ZC3H14: variants seen among roughly 807,000 people sequenced by gnomAD.
ZC3H14 encodes the protein zinc finger CCCH-type containing 14, also known as zinc finger CCCH domain-containing protein 14.
In ZC3H14, 31 loss-of-function variants were observed where a neutral mutation model predicts 92.4. The observed-to-expected ratio is 0.34, with a 90% CI of 0.25 to 0.45. ZC3H14 has a LOEUF of 0.45. Ranked by LOEUF, ZC3H14 falls within the 20% of genes least tolerant of loss-of-function variation. ZC3H14 has a pLI of 1.00. For missense variants in ZC3H14, 781 were observed against 897.3 expected (o/e 0.87, Z 1.66); for synonymous variants, 321 against 300.9 (o/e 1.07, Z -0.69).
chr14:88,618,406 C>T lies in ZC3H14; in HGVS notation c.*6655C>T. On this transcript the variant is annotated 3_prime_UTR_variant, in exon 17 of 17. Coordinates refer to ENST00000251038, the MANE Select transcript of ZC3H14 (RefSeq NM_024824.5). Reference sequence around the variant, plus strand: ...AAATCCACAGGGGGTTTACAGAATACTAGCATATTGCTACTTGATTTACAT... The same window carrying T: ...AAATCCACAGGGGGTTTACAGAATATTAGCATATTGCTACTTGATTTACAT... The T allele has an allele frequency of 7.7e-7, 1 of 1,297,652 alleles. No individual in the cohort carries two copies. The highest frequency in any genetic ancestry group is 1.5e-5 in the African/African-American group (1 of 68,880). The allele number at this position is 1,297,652 out of a possible 1,614,324, so 80.4% of individuals were successfully genotyped here.
chr14:88,622,576 C>T lies in ZC3H14; in HGVS notation c.*10825C>T. The T allele has an allele frequency of 1.3e-6, 2 of 1,526,620 alleles. No individual in the cohort carries two copies. Among genetic ancestry groups the T allele is most frequent in the South Asian group, 2.6e-5 (2 of 77,686 alleles). 94.6% of individuals were successfully genotyped at this position (1,526,620 alleles called of 1,614,324 possible). ...AATAACCACTTTCTGTTTTCTGCTGCACTGTATCAGCTCATGGAACATCTT... is the reference window on the plus strand; with the variant it reads ...AATAACCACTTTCTGTTTTCTGCTGTACTGTATCAGCTCATGGAACATCTT... On this transcript the variant is annotated 3_prime_UTR_variant, in exon 17 of 17. Coordinates refer to ENST00000251038, the MANE Select transcript of ZC3H14 (RefSeq NM_024824.5).
Position 88,597,938 on chromosome 14 carries a change from A to AT in ZC3H14, c.1354+1136dup, listed in dbSNP as rs751219959. ...GACTGCAGTCCTTAGCTCCTATCAC[A>AT]TTTTTTATTCTAAGATCCCTTTGTT... On this transcript the variant is annotated intron_variant, in intron 10 of 16. Coordinates refer to ENST00000251038, the MANE Select transcript of ZC3H14 (RefSeq NM_024824.5). 9.3e-4 allele frequency among the ~76,000 whole-genome samples: 142 copies of AT among 152,162 alleles called. No homozygotes were observed. The Middle Eastern group carries it at 0.017, about 18-fold the overall frequency.
Position 88,620,651 on chromosome 14 carries a change from C to A in ZC3H14, c.*8900C>A. On this transcript the variant is annotated 3_prime_UTR_variant, in exon 17 of 17. Coordinates refer to ENST00000251038, the MANE Select transcript of ZC3H14 (RefSeq NM_024824.5). The surrounding 1 kb of genome is among the most constrained non-coding windows in gnomAD (Gnocchi z 4.3). ...ACAATTTATAATACGGGAAATGCTA[C>A]AGGCCCTGGGGACCTCTTTTTGAAG... is the stretch of plus-strand genomic sequence containing the variant. 1.1e-6 allele frequency: 1 copy of A among 894,512 alleles called. No homozygotes were observed. The allele number at this position is 894,512 out of a possible 1,614,324, so 55.4% of individuals were successfully genotyped here. A position where few individuals can be genotyped will look rare whatever the true frequency, so the allele number is the denominator to read the frequency against.
intron 11 of ZC3H14, 122 bp from the exon 12 acceptor site, chr14:88,602,705 TC>T: frequency 2.0e-6 from 2 of 1,017,528 alleles, no homozygotes; most frequent in Non-Finnish European, 3.0e-6. Context: ...CCCTACCTAG[TC>T]TTTTTTTATT....
rs1290019515 is a variant in ZC3H14, at chr14:88,610,814, GCT to G, written c.2098-17_2098-16del. ...TATTAGCCTTGTGGATATTGTTGAA[GCT>G]CTGTTATCTCTATTCAGCATTGTAG... On this transcript the variant is annotated intron_variant, in intron 15 of 16. Coordinates refer to ENST00000251038, the MANE Select transcript of ZC3H14 (RefSeq NM_024824.5). 1.2e-6 allele frequency: 2 copies of G among 1,601,676 alleles called. No homozygotes were observed. The highest frequency in any genetic ancestry group is 1.3e-5 in the African/African-American group (1 of 74,664).
rs1480471958 is a variant in ZC3H14 at position 88,614,796 on chromosome 14, A to G, written c.*3045A>G. 1 of 152,200 alleles carries G rather than the reference A, an allele frequency of 6.6e-6. No homozygotes were observed. The highest frequency in any genetic ancestry group is 2.4e-5 in the African/African-American group (1 of 41,458). 9.4% of individuals were successfully genotyped at this position (152,200 alleles called of 1,614,324 possible). A position where few individuals can be genotyped will look rare whatever the true frequency, so the allele number is the denominator to read the frequency against. ...GAATTCTAACTGACAAGTTTTTACA[A>G]ATGGAGTTGGGCTCATTCATTTTGG... On this transcript the variant is annotated 3_prime_UTR_variant, in exon 17 of 17. Transcript: ENST00000251038.
intron 9 of ZC3H14, among the ~76,000 whole-genome samples, chr14:88,585,866 T>A (rs1461420209): frequency 6.6e-6 from 1 of 152,236 alleles, no homozygotes; most frequent in Admixed American, 6.5e-5. Context: ...CAATTTGATC[T>A]TTTTTAAAAT....
chr14:88,583,246 C>T (rs1164326659), intron 9 of ZC3H14, among the ~76,000 whole-genome samples: 1 of 151,702 alleles, frequency 6.6e-6, no homozygotes. Context: ...ATCCTCCCAC[C>T]TCAGGGACCA....
rs935224622 is a variant in ZC3H14 at position 88,622,994 on chromosome 14, A to G, written c.*11243A>G. On this transcript the variant is annotated 3_prime_UTR_variant, in exon 17 of 17. Coordinates refer to ENST00000251038, the MANE Select transcript of ZC3H14 (RefSeq NM_024824.5). Reference sequence around the variant, plus strand: ...TATTTAGCCTCTACAATACATTACAATACATTATCCTCTCTCATAATACTT... The same window carrying G: ...TATTTAGCCTCTACAATACATTACAGTACATTATCCTCTCTCATAATACTT... 1.3e-4 allele frequency: 36 copies of G among 272,984 alleles called. No homozygotes were observed. The highest frequency in any genetic ancestry group is 2.1e-4 in the Non-Finnish European group (31 of 148,122). 16.9% of individuals were successfully genotyped at this position (272,984 alleles called of 1,614,324 possible).
At chr14:88,584,981 A>G (rs2082309682) in intron 9 of ZC3H14, among the ~76,000 whole-genome samples, 3 of 152,338 alleles carry the variant, frequency 2.0e-5, no homozygotes, top group Admixed American at 2.0e-4. Flanking sequence ...AAATGTATGA[A>G]GCTGCCACTG....
rs1166575235 is a variant in ZC3H14 at position 88,618,848 on chromosome 14, C to T, written c.*7097C>T. The T allele has an allele frequency of 1.2e-5, 18 of 1,528,358 alleles. No individual in the cohort carries two copies. The highest frequency in any genetic ancestry group is 1.4e-5 in the African/African-American group (1 of 71,944). 94.7% of individuals were successfully genotyped at this position (1,528,358 alleles called of 1,614,324 possible). A position where few individuals can be genotyped will look rare whatever the true frequency, so the allele number is the denominator to read the frequency against. ...ACAAAACGTAAAAAGTATTAGACCACATGAAGTATTATAAATACTTAAGAT... is the reference window on the plus strand; with the variant it reads ...ACAAAACGTAAAAAGTATTAGACCATATGAAGTATTATAAATACTTAAGAT... On this transcript the variant is annotated 3_prime_UTR_variant, in exon 17 of 17. Coordinates refer to ENST00000251038, the MANE Select transcript of ZC3H14 (RefSeq NM_024824.5).
At chr14:88,567,909 T>C (rs989366588) in intron 2 of ZC3H14, 130 bp from the exon 3 acceptor site, 2 of 754,900 alleles carry the variant, frequency 2.6e-6, no homozygotes, top group Non-Finnish European at 4.7e-6. Flanking sequence ...TAAGCCATCT[T>C]GTCCAATGTA....
chr14:88,597,725 C>T (rs372278583), intron 10 of ZC3H14, among the ~76,000 whole-genome samples: 2 of 152,214 alleles, frequency 1.3e-5, no homozygotes, highest in African/African-American at 2.4e-5. Flanking sequence ...ATTTTGCTCT[C>T]TCATCTCCCA....
At chr14:88,593,965 A>T (rs1462115795) in intron 9 of ZC3H14, among the ~76,000 whole-genome samples, 1 of 152,172 alleles carries the variant, frequency 6.6e-6, no homozygotes, top group African/African-American at 2.4e-5. Flanking sequence ...TCTAGTATTA[A>T]GCCAAGGCTG....
At chr14:88,579,544 G>A (rs773246385) in intron 9 of ZC3H14, among the ~76,000 whole-genome samples, 3 of 152,158 alleles carry the variant, frequency 2.0e-5, no homozygotes, top group Admixed American at 6.5e-5. Flanking sequence ...GAGTCTTGGA[G>A]TGGAATCAGA....
At chr14:88,563,446 G>C in intron 1 of ZC3H14, 1 of 1,438,110 alleles carries the variant, frequency 7.0e-7, no homozygotes, top group Non-Finnish European at 9.0e-7. Context: ...CTTTGGATCC[G>C]CTGCGGGAGG....
In ZC3H14 at chr14:88,613,452, CAA is replaced by C. The variant is rs1357228820; in HGVS notation, c.*1702_*1703del. On this transcript the variant is annotated 3_prime_UTR_variant, in exon 17 of 17. Transcript: ENST00000251038. ...TATAAATTATAGAACAAATGGGAAACAAGGGTTTAATTTAGTTCAGCCATTTT... is the reference window on the plus strand; with the variant it reads ...TATAAATTATAGAACAAATGGGAAACGGGTTTAATTTAGTTCAGCCATTTT... 1 of 151,968 alleles carries C rather than the reference CAA, an allele frequency of 6.6e-6. No individual in the cohort carries two copies. The highest frequency in any genetic ancestry group is 2.4e-5 in the African/African-American group (1 of 41,374). The allele number at this position is 151,968 out of a possible 1,614,324, so 9.4% of individuals were successfully genotyped here.
chr14:88,621,079 T>G lies in ZC3H14; in HGVS notation c.*9328T>G. The stretch of plus-strand genomic sequence containing the variant: ...ACTTCCAACTTTTCTTTTTAGAAGT[T>G]GTAACCTCTTTTAAAAAAATTATCT... On this transcript the variant is annotated 3_prime_UTR_variant, in exon 17 of 17. Transcript: ENST00000251038. The G allele has an allele frequency of 6.3e-7, 1 of 1,590,406 alleles. No individual in the cohort carries two copies. Among genetic ancestry groups the G allele is most frequent in the Non-Finnish European group, 8.6e-7 (1 of 1,168,578 alleles).
In ZC3H14 at chr14:88,567,423, T is replaced by C. The variant is rs2139498180; in HGVS notation, c.80-616T>C. ...AGCCACCGCGCCTGGCCTTTTTTCT[T>C]TTTTTTTTTTTTTTATCCTAGACCT... On this transcript the variant is annotated intron_variant, in intron 2 of 16. Coordinates refer to ENST00000251038, the MANE Select transcript of ZC3H14 (RefSeq NM_024824.5). Among the ~76,000 whole-genome samples the C allele has an allele frequency of 2.4e-5, 3 of 127,272 alleles. No individual in the cohort carries two copies. The East Asian group carries it at 5.9e-4, about 25-fold the overall frequency. 83.5% of individuals were successfully genotyped at this position (127,272 alleles called of 152,430 possible).
Sources: gnomAD v4.1 joint callset for allele counts (sites outside exome capture counted in the v4.1 genomes callset) on GRCh38, gnomAD v4.1.1 for gene constraint, Gnocchi (gnomAD v3.1) non-coding constraint, MANE v1.5 for transcripts, NCBI Gene and HGNC (gene_info 2026-07-23, HGNC 2026-07-21) for gene names.